CAMKMT: variants seen among roughly 807,000 people sequenced by gnomAD.
CAMKMT encodes the protein calmodulin-lysine N-methyltransferase.
Under a neutral mutation model 48.0 loss-of-function variants are expected in CAMKMT, and 53 were observed. The observed-to-expected ratio is 1.10, with a 90% confidence interval of 0.89 to 1.39. The LOEUF is 1.39. Ranked by LOEUF, CAMKMT falls within the 40% of genes most tolerant of loss-of-function variation. CAMKMT has a pLI of 0.00. For synonymous variants in CAMKMT, 165 were observed against 152.3 expected (o/e 1.08, Z -0.61); for missense variants, 428 against 402.7 (o/e 1.06, Z -0.54).
chr2:44,508,086 C>T (rs1015067087), intron 3 of CAMKMT, among the ~76,000 whole-genome samples: 1 of 152,278 alleles, frequency 6.6e-6, no homozygotes, highest in East Asian at 1.9e-4. Context: ...TTTCTAAGTA[C>T]TTTAATGTAA....
chr2:44,614,134 G>C (rs1433022890), intron 3 of CAMKMT, among the ~76,000 whole-genome samples: 1 of 152,100 alleles, frequency 6.6e-6, no homozygotes, highest in East Asian at 1.9e-4. Flanking sequence ...ATCACACATA[G>C]TTTCTTTTGA....
Position 44,692,352 on chromosome 2 carries a change from T to C in CAMKMT, c.377-11931T>C, listed in dbSNP as rs568396544. ...CCACAGCACCCCATGAGAAGGTACT[T>C]TTATTGCTTGTACTTAACAAATGAG... On this transcript the variant is annotated intron_variant, in intron 3 of 10. Transcript: ENST00000378494. Among the ~76,000 whole-genome samples the C allele has an allele frequency of 5.9e-5, 9 of 152,264 alleles. No homozygotes were observed. The South Asian group carries it at 1.9e-3, about 32-fold the overall frequency.
At chr2:44,515,162 T>TTA (rs1225981904) in intron 3 of CAMKMT, among the ~76,000 whole-genome samples, 1 of 152,162 alleles carries the variant, frequency 6.6e-6, no homozygotes, top group Admixed American at 6.5e-5. Context: ...TACAGAGATT[T>TTA]TACCTAGAAG....
Position 44,372,903 on chromosome 2 carries a change from A to C in CAMKMT, c.311+15A>C. On this transcript the variant is annotated intron_variant, in intron 2 of 10. Coordinates refer to ENST00000378494, the MANE Select transcript of CAMKMT (RefSeq NM_024766.5). The stretch of plus-strand genomic sequence containing the variant: ...ATCTCCTTAAGGTAACCATTATTCT[A>C]GTTAAGATTTTGTAAACACTAGATT... The C allele has an allele frequency of 6.3e-7, 1 of 1,592,246 alleles. No individual in the cohort carries two copies. The highest frequency in any genetic ancestry group is 8.5e-7 in the Non-Finnish European group (1 of 1,172,142).
intron 3 of CAMKMT, among the ~76,000 whole-genome samples, chr2:44,474,722 C>T (rs568321069): frequency 1.3e-5 from 2 of 152,304 alleles, no homozygotes; most frequent in South Asian, 2.1e-4. Flanking sequence ...CCTCACTATG[C>T]CAGACCAAAT....
intron 3 of CAMKMT, among the ~76,000 whole-genome samples, chr2:44,479,496 T>C (rs1056870580): frequency 2.0e-5 from 3 of 152,180 alleles, no homozygotes; most frequent in Admixed American, 6.5e-5. Context: ...TAAACCAACA[T>C]TTTTGAGGTA....
intron 3 of CAMKMT, among the ~76,000 whole-genome samples, chr2:44,634,632 C>T (rs1020583433): frequency 6.6e-6 from 1 of 152,016 alleles, no homozygotes; most frequent in Non-Finnish European, 1.5e-5. Context: ...CTCTTTCTAT[C>T]TTCAAGGAAG....
intron 3 of CAMKMT, among the ~76,000 whole-genome samples, chr2:44,616,680 A>G (rs550919298): frequency 2.6e-4 from 39 of 152,306 alleles, no homozygotes; most frequent in African/African-American, 9.1e-4. Flanking sequence ...CCAGGGTTCA[A>G]CTGACATGGG....
At chr2:44,661,990 C>G (rs930368633) in intron 3 of CAMKMT, among the ~76,000 whole-genome samples, 7 of 152,150 alleles carry the variant, frequency 4.6e-5, no homozygotes, top group African/African-American at 1.2e-4. Flanking sequence ...AAATAGCTTG[C>G]CCATATGAGT....
At chr2:44,733,389 C>A (rs1490653535) in intron 7 of CAMKMT, among the ~76,000 whole-genome samples, 1 of 152,072 alleles carries the variant, frequency 6.6e-6, no homozygotes, top group African/African-American at 2.4e-5. Context: ...GATCTTGTAT[C>A]CCACAATCCT....
At chr2:44,422,303 T>C (rs1335184310) in intron 3 of CAMKMT, among the ~76,000 whole-genome samples, 4 of 152,246 alleles carry the variant, frequency 2.6e-5, no homozygotes, top group African/African-American at 7.2e-5. Context: ...ATTAAACTTC[T>C]TTTCTTTATA....
At chr2:44,412,358 C>G (rs948199706) in intron 3 of CAMKMT, among the ~76,000 whole-genome samples, 3 of 152,034 alleles carry the variant, frequency 2.0e-5, no homozygotes, top group Non-Finnish European at 2.9e-5. Flanking sequence ...GTTTTTGAGA[C>G]AGAGTCTGGC....
intron 3 of CAMKMT, among the ~76,000 whole-genome samples, chr2:44,619,873 TTCA>T (rs1672083563): frequency 6.6e-6 from 1 of 152,224 alleles, no homozygotes; most frequent in South Asian, 2.1e-4. Context: ...GACTCATGTT[TTCA>T]AAGTGGATTC....
At chr2:44,533,113 C>G (rs995142907) in intron 3 of CAMKMT, among the ~76,000 whole-genome samples, 1 of 151,946 alleles carries the variant, frequency 6.6e-6, no homozygotes, top group African/African-American at 2.4e-5. Context: ...CGCTCCTGAC[C>G]TAAAGATTTT....
intron 3 of CAMKMT, among the ~76,000 whole-genome samples, chr2:44,610,571 C>A (rs1671541595): frequency 2.0e-5 from 3 of 152,124 alleles, no homozygotes; most frequent in Admixed American, 6.5e-5. Context: ...AATAATGTAA[C>A]CCTTTCAACT....
intron 3 of CAMKMT, among the ~76,000 whole-genome samples, chr2:44,443,079 G>A (rs1558619059): frequency 6.6e-6 from 1 of 152,092 alleles, no homozygotes; most frequent in Non-Finnish European, 1.5e-5. Flanking sequence ...TTAAAATATA[G>A]TTCTTTGAAC....
intron 3 of CAMKMT, among the ~76,000 whole-genome samples, chr2:44,516,195 A>G (rs1670824389): frequency 6.6e-6 from 1 of 152,170 alleles, no homozygotes; most frequent in Non-Finnish European, 1.5e-5. Flanking sequence ...AATTTCTTTC[A>G]CAGTTCACGT....
At chr2:44,442,816 G>A (rs1666752813) in intron 3 of CAMKMT, among the ~76,000 whole-genome samples, 1 of 152,188 alleles carries the variant, frequency 6.6e-6, no homozygotes, top group African/African-American at 2.4e-5. Context: ...TTTCTGATGA[G>A]CTGCTGGAGC....
At chr2:44,605,265 G>T (rs1671220613) in intron 3 of CAMKMT, among the ~76,000 whole-genome samples, 1 of 152,122 alleles carries the variant, frequency 6.6e-6, no homozygotes, top group African/African-American at 2.4e-5. Flanking sequence ...GATGAGTGTT[G>T]CCCTCTTCAC....
Sources: gnomAD v4.1 joint callset for allele counts (sites outside exome capture counted in the v4.1 genomes callset) on GRCh38, gnomAD v4.1.1 for gene constraint, MANE v1.5 for transcripts, NCBI Gene and HGNC (gene_info 2026-07-23, HGNC 2026-07-21) for gene names.